CREB5: variants seen among roughly 807,000 people sequenced by gnomAD.
CREB5 encodes cAMP responsive element binding protein 5.
In CREB5, 19 loss-of-function variants were observed where a neutral mutation model predicts 57.1. That is an observed-to-expected ratio of 0.33 (90% CI 0.23 to 0.49). The LOEUF is 0.49. Among genes scored for constraint, CREB5 ranks in the 20% least tolerant of loss-of-function variants. The probability of loss-of-function intolerance (pLI) is 0.99; values close to 1 mark genes in which losing one functional copy is unlikely to be tolerated. For synonymous variants in CREB5, 238 were observed against 238.3 expected, an observed-to-expected ratio of 1.00 and a Z score of 0.01; for missense variants, 579 against 671.6, an observed-to-expected ratio of 0.86 and a Z score of 1.52.
At chr7:28,678,254 G>T (rs2128722758) in intron 5 of CREB5, among the ~76,000 whole-genome samples, 1 of 152,204 alleles carries the variant, frequency 6.6e-6, no homozygotes, top group Middle Eastern at 3.4e-3. Context: ...TGGGTGTGGT[G>T]GTGTGCGCCT....
intron 1 of CREB5, among the ~76,000 whole-genome samples, chr7:28,434,257 A>G (rs1788849098): frequency 6.6e-6 from 1 of 152,132 alleles, no homozygotes. Context: ...TAATACCTCA[A>G]AGGTATGCAC....
chr7:28,732,534 A>G (rs1167405794), intron 7 of CREB5, among the ~76,000 whole-genome samples: 1 of 152,184 alleles, frequency 6.6e-6, no homozygotes, highest in East Asian at 1.9e-4. Flanking sequence ...GAATAAGTTC[A>G]GCTGTGTCAG....
chr7:28,677,348 C>T (rs1326860871), intron 5 of CREB5, among the ~76,000 whole-genome samples: 1 of 152,074 alleles, frequency 6.6e-6, no homozygotes, highest in Non-Finnish European at 1.5e-5. Context: ...CCACCTTGAC[C>T]TATATAATCT....
intron 7 of CREB5, among the ~76,000 whole-genome samples, chr7:28,754,507 C>T (rs1319759350): frequency 6.6e-6 from 1 of 152,186 alleles, no homozygotes; most frequent in Non-Finnish European, 1.5e-5. Context: ...CATGAGGGAT[C>T]GCTGCTGTAG....
At chr7:28,729,991 T>C (rs1803524902) in intron 7 of CREB5, among the ~76,000 whole-genome samples, 1 of 152,164 alleles carries the variant, frequency 6.6e-6, no homozygotes, top group Non-Finnish European at 1.5e-5. Context: ...GCAGCAACAA[T>C]AGCAATCTAC....
chr7:28,695,590 C>T (rs1015477138), intron 5 of CREB5, among the ~76,000 whole-genome samples: 1 of 152,160 alleles, frequency 6.6e-6, no homozygotes, highest in African/African-American at 2.4e-5. Flanking sequence ...CCACTGGGGT[C>T]TAGTTAGTGG....
chr7:28,553,632 C>G (rs924873257), intron 4 of CREB5, among the ~76,000 whole-genome samples: 2 of 152,158 alleles, frequency 1.3e-5, no homozygotes, highest in African/African-American at 4.8e-5. Context: ...AGCTTTTTAT[C>G]GGAGCGTTAT....
At chr7:28,469,579 T>C (rs955382608) in intron 1 of CREB5, among the ~76,000 whole-genome samples, 3 of 152,262 alleles carry the variant, frequency 2.0e-5, no homozygotes, top group Admixed American at 1.3e-4. Context: ...CTATTCTTGC[T>C]TGTTATTTTT....
chr7:28,528,308 T>A (rs1385011540), intron 4 of CREB5, among the ~76,000 whole-genome samples: 1 of 152,228 alleles, frequency 6.6e-6, no homozygotes, highest in Non-Finnish European at 1.5e-5. Flanking sequence ...GGGGAATATT[T>A]CATGATGAAA....
chr7:28,459,877 G>A (rs767445485), intron 1 of CREB5, among the ~76,000 whole-genome samples: 2 of 152,156 alleles, frequency 1.3e-5, no homozygotes, highest in African/African-American at 4.8e-5. Context: ...CCTTACCACA[G>A]TCTTACAAAG....
intron 5 of CREB5, among the ~76,000 whole-genome samples, chr7:28,611,919 T>G (rs1797404055): frequency 2.0e-5 from 3 of 152,058 alleles, no homozygotes; most frequent in Non-Finnish European, 4.4e-5. Context: ...TTGACCTCCC[T>G]AAAGCAACAA....
intron 5 of CREB5, among the ~76,000 whole-genome samples, chr7:28,622,541 T>C (rs1037263554): frequency 9.9e-5 from 15 of 152,222 alleles, no homozygotes; most frequent in African/African-American, 3.4e-4. Flanking sequence ...CTGACATTTC[T>C]TAAAATTGTG....
intron 4 of CREB5, among the ~76,000 whole-genome samples, chr7:28,566,677 C>G (rs181477516): frequency 0.083 from 12,463 of 150,172 alleles, 573 homozygotes; most frequent in African/African-American, 0.11. Flanking sequence ...AAAAAAAAAT[C>G]GCCTTCTCTT....
chr7:28,477,534 C>T (rs921602535), intron 1 of CREB5, among the ~76,000 whole-genome samples: 6 of 152,130 alleles, frequency 3.9e-5, no homozygotes, highest in South Asian at 2.1e-4. Flanking sequence ...AGTGTGGATT[C>T]GAAAATGGTG....
At chr7:28,423,389 T>C (rs181195997) in intron 1 of CREB5, among the ~76,000 whole-genome samples, 1 of 152,254 alleles carries the variant, frequency 6.6e-6, no homozygotes, top group East Asian at 1.9e-4. Context: ...CACTGCAATT[T>C]AGTGTTTCAG....
At chr7:28,630,240 G>C (rs1798153017) in intron 5 of CREB5, among the ~76,000 whole-genome samples, 1 of 152,170 alleles carries the variant, frequency 6.6e-6, no homozygotes, top group South Asian at 2.1e-4. Context: ...TACCTGTCTT[G>C]TTTCTCTTGA....
chr7:28,392,204 T>C (rs1323330315), intron 1 of CREB5, among the ~76,000 whole-genome samples: 1 of 152,144 alleles, frequency 6.6e-6, no homozygotes, highest in African/African-American at 2.4e-5. Context: ...ATGAAATAGC[T>C]GTACAACAAA....
intron 5 of CREB5, among the ~76,000 whole-genome samples, chr7:28,600,584 A>G (rs552116250): frequency 6.6e-6 from 1 of 152,368 alleles, no homozygotes; most frequent in East Asian, 1.9e-4. Context: ...GGTAAAAATT[A>G]TGCAGGCCAG....
chr7:28,547,197 C>T (rs943667054), intron 4 of CREB5, among the ~76,000 whole-genome samples: 16 of 152,170 alleles, frequency 1.1e-4, no homozygotes, highest in Admixed American at 7.9e-4. Flanking sequence ...TTAGTCTATG[C>T]GTATTTAATT....
Sources: gnomAD v4.1 joint callset for allele counts (sites outside exome capture counted in the v4.1 genomes callset) on GRCh38, gnomAD v4.1.1 for gene constraint, MANE v1.5 for transcripts, NCBI Gene and HGNC (gene_info 2026-07-23, HGNC 2026-07-21) for gene names.